RCOR1: variants seen among roughly 807,000 people sequenced by gnomAD.
RCOR1 encodes the protein REST corepressor.
In RCOR1, 12 loss-of-function variants were observed where a neutral mutation model predicts 64.0. The ratio of observed to expected loss-of-function variants is 0.19; its 90% CI spans 0.12 to 0.30. The LOEUF (loss-of-function observed/expected upper bound fraction) is 0.30, where lower values mean the gene tolerates loss of function less well. Ranked by LOEUF, RCOR1 falls within the 10% of genes least tolerant of loss-of-function variation. The pLI is 1.00. For synonymous variants in RCOR1, 279 were observed against 227.2 expected, an observed-to-expected ratio of 1.23 and a Z score of -2.05; for missense variants, 502 against 621.2, an observed-to-expected ratio of 0.81 and a Z score of 2.04.
intron 2 of RCOR1, among the ~76,000 whole-genome samples, chr14:102,660,184 C>T (rs1894801909): frequency 6.6e-6 from 1 of 152,082 alleles, no homozygotes; most frequent in Non-Finnish European, 1.5e-5. Flanking sequence ...GAGTTCTGAG[C>T]CCATCTGTTT....
Position 102,617,835 on chromosome 14 carries a change from G to A in RCOR1, c.361+24510G>A, listed in dbSNP as rs375858855. 9.9e-5 allele frequency among the ~76,000 whole-genome samples: 15 copies of A among 152,032 alleles called. No homozygotes were observed. The East Asian group carries it at 1.9e-3, about 20-fold the overall frequency. The stretch of plus-strand genomic sequence containing the variant: ...GAACTCCTGACCTTGTGATCTGCCT[G>A]CCTCGGCTTCCCACAGTCCTGGGAT... On this transcript the variant is annotated intron_variant, in intron 2 of 11. Transcript: ENST00000262241.
chr14:102,633,361 A>C (rs1894166994), intron 2 of RCOR1, among the ~76,000 whole-genome samples: 2 of 152,208 alleles, frequency 1.3e-5, no homozygotes, highest in South Asian at 4.1e-4. Flanking sequence ...ATATTAAAAA[A>C]ATTTTTATAT....
chr14:102,669,310 A>G (rs1212204099), intron 2 of RCOR1, among the ~76,000 whole-genome samples: 1 of 71,954 alleles, frequency 1.4e-5, no homozygotes, highest in Non-Finnish European at 2.4e-5. Context: ...ACTCGGTCTG[A>G]AAAAAAAAAA....
chr14:102,719,473 C>T (rs1025391889), intron 8 of RCOR1, among the ~76,000 whole-genome samples: 1 of 152,040 alleles, frequency 6.6e-6, no homozygotes. Context: ...TTGTTCAATT[C>T]CCACCTATGA....
chr14:102,709,904 C>A (rs1044700897), intron 6 of RCOR1, among the ~76,000 whole-genome samples: 2 of 152,166 alleles, frequency 1.3e-5, no homozygotes, highest in African/African-American at 2.4e-5. Flanking sequence ...CATTCTTACT[C>A]CCTGGAGGCT....
At chr14:102,648,653 T>C (rs375005773) in intron 2 of RCOR1, among the ~76,000 whole-genome samples, 2 of 152,230 alleles carry the variant, frequency 1.3e-5, no homozygotes, top group Admixed American at 1.3e-4. Context: ...TGCCTACACA[T>C]ATATATAACC....
chr14:102,594,031 C>T (rs757598760), intron 2 of RCOR1, among the ~76,000 whole-genome samples: 4 of 152,122 alleles, frequency 2.6e-5, no homozygotes, highest in Non-Finnish European at 5.9e-5. Flanking sequence ...ATGCTTTTCA[C>T]CTACAAGAAA....
chr14:102,638,407 C>G (rs985125588), intron 2 of RCOR1, among the ~76,000 whole-genome samples: 1 of 151,828 alleles, frequency 6.6e-6, no homozygotes, highest in African/African-American at 2.4e-5. Flanking sequence ...GTCATATTTT[C>G]GTTCTTGTCA....
chr14:102,659,353 C>T (rs1021010835), intron 2 of RCOR1: 38 of 813,450 alleles, frequency 4.7e-5, no homozygotes, highest in East Asian at 1.2e-4. Flanking sequence ...TAAAGTCTTC[C>T]GTTTTTATTT....
At chr14:102,618,150 T>A (rs1341518890) in intron 2 of RCOR1, among the ~76,000 whole-genome samples, 3 of 151,718 alleles carry the variant, frequency 2.0e-5, no homozygotes, top group Non-Finnish European at 2.9e-5. Flanking sequence ...ATTTTTGTAT[T>A]TTTAGTAGAG....
At chr14:102,721,454 G>T in intron 10 of RCOR1, 77 bp downstream of exon 10, 1 of 1,098,708 alleles carries the variant, frequency 9.1e-7, no homozygotes. Flanking sequence ...ATTTTGGAAG[G>T]TTGACGCATT....
In RCOR1 at chr14:102,637,127, T is replaced by G. The variant is rs556193510; in HGVS notation, c.361+43802T>G. On this transcript the variant is annotated intron_variant, in intron 2 of 11. Transcript: ENST00000262241. ...GTTTTTTTTGTTTGTTTGTTTGTTT[T>G]TTTATTTTTTTTTTTTTGAGACGGA... Among the ~76,000 whole-genome samples, 466 of 145,398 alleles carry G rather than the reference T, an allele frequency of 3.2e-3. 1 individual carries two copies. Among genetic ancestry groups the G allele is most frequent in the Non-Finnish European group, 5.4e-3 (358 of 65,970 alleles).
intron 2 of RCOR1, among the ~76,000 whole-genome samples, chr14:102,670,058 C>A (rs1406628758): frequency 1.3e-5 from 2 of 152,294 alleles, no homozygotes; most frequent in Admixed American, 6.5e-5. Context: ...TCAAGCAATT[C>A]TCCGGCCTCA....
At chr14:102,635,749 C>T (rs1023500054) in intron 2 of RCOR1, among the ~76,000 whole-genome samples, 6 of 151,624 alleles carry the variant, frequency 4.0e-5, no homozygotes, top group Non-Finnish European at 8.8e-5. Context: ...ACTTTTTGGT[C>T]GAGTCCTGGA....
chr14:102,690,884 T>G (rs1895519649), intron 3 of RCOR1, among the ~76,000 whole-genome samples: 2 of 152,176 alleles, frequency 1.3e-5, no homozygotes, highest in African/African-American at 4.8e-5. Context: ...ATGTGGTGGG[T>G]GTATAATAAA....
chr14:102,672,658 A>G (rs1265063009), intron 2 of RCOR1, among the ~76,000 whole-genome samples: 1 of 152,220 alleles, frequency 6.6e-6, no homozygotes, highest in Admixed American at 6.5e-5. Flanking sequence ...CTTATCCAAT[A>G]TGCTCAACCT....
intron 2 of RCOR1, among the ~76,000 whole-genome samples, chr14:102,609,023 CACTTTTT>C (rs1207500118): frequency 7.1e-6 from 1 of 140,128 alleles, no homozygotes; most frequent in Non-Finnish European, 1.5e-5. Context: ...TTCTGTGCTT[CACTTTTT>C]TTTTTTTTTT....
chr14:102,601,935 G>T (rs1383913737), intron 2 of RCOR1, among the ~76,000 whole-genome samples: 1 of 151,960 alleles, frequency 6.6e-6, no homozygotes, highest in Non-Finnish European at 1.5e-5. Context: ...GAGGCGGGAG[G>T]ATCACCTGAG....
intron 2 of RCOR1, among the ~76,000 whole-genome samples, chr14:102,622,859 C>T (rs1595198648): frequency 1.3e-5 from 2 of 152,300 alleles, no homozygotes; most frequent in African/African-American, 4.8e-5. Flanking sequence ...TTGTACTATG[C>T]GCTCCTGATT....
Sources: gnomAD v4.1 joint callset for allele counts (sites outside exome capture counted in the v4.1 genomes callset) on GRCh38, gnomAD v4.1.1 for gene constraint, MANE v1.5 for transcripts, NCBI Gene and HGNC (gene_info 2026-07-23, HGNC 2026-07-21) for gene names.